Variants in FLT1 observed in about 807,000 individuals in gnomAD.
FLT1 encodes the protein fms related receptor tyrosine kinase 1, also known as vascular endothelial growth factor receptor 1.
FLT1 carries 49 observed loss-of-function variants against 156.3 expected under a neutral mutation model. The ratio of observed to expected loss-of-function variants is 0.31; its 90% CI spans 0.25 to 0.40. The LOEUF is 0.40. Ranked by LOEUF, FLT1 falls within the 10% of genes least tolerant of loss-of-function variation. FLT1 has a pLI of 1.00. For synonymous variants in FLT1, 594 were observed against 583.8 expected (o/e 1.02, Z -0.25); for missense variants, 1,322 against 1,637.2 (o/e 0.81, Z 3.32).
At position 28,323,633 on chromosome 13, in the gene FLT1, G is replaced by A. The variant is rs536278801; in HGVS notation, c.2797-687C>T. 1.2e-3 allele frequency among the ~76,000 whole-genome samples: 165 copies of A among 136,080 alleles called. 1 individual carries two copies. The highest frequency in any genetic ancestry group is 4.2e-3 in the African/African-American group (155 of 37,060). 89.3% of individuals were successfully genotyped at this position (136,080 alleles called of 152,430 possible). A position where few individuals can be genotyped will look rare whatever the true frequency, so the allele number is the denominator to read the frequency against. ...GCCATTGCACTCTAGCCTGGCCAAC[G>A]AGAGCAAAACTCCATCTCAAAAAAA... is the stretch of plus-strand genomic sequence containing the variant. On this transcript the variant is annotated intron_variant, in intron 20 of 29. Coordinates refer to ENST00000282397, the MANE Select transcript of FLT1 (RefSeq NM_002019.4).
chr13:28,426,218 G>GAT (rs1017698929), intron 10 of FLT1, among the ~76,000 whole-genome samples: 3 of 147,188 alleles, frequency 2.0e-5, no homozygotes, highest in African/African-American at 7.6e-5. Context: ...TTGGCATAAT[G>GAT]ATAATCCTTG....
chr13:28,460,649 G>T (rs1879515395), intron 3 of FLT1, among the ~76,000 whole-genome samples: 1 of 147,442 alleles, frequency 6.8e-6, no homozygotes, highest in African/African-American at 2.5e-5. Context: ...GTACTGGTGT[G>T]CCCCTCCCCC....
chr13:28,336,548 C>T (rs982327871), intron 17 of FLT1, among the ~76,000 whole-genome samples: 14 of 152,300 alleles, frequency 9.2e-5, no homozygotes, highest in African/African-American at 3.4e-4. Flanking sequence ...GGGCCCTGGA[C>T]ACGCTGGGGA....
At chr13:28,436,645 A>AT (rs1281839408) in intron 4 of FLT1, among the ~76,000 whole-genome samples, 2 of 152,210 alleles carry the variant, frequency 1.3e-5, no homozygotes, top group African/African-American at 4.8e-5. Flanking sequence ...CATATTAATC[A>AT]TACAGCAATA....
At chr13:28,331,933 A>T (rs995974871) in intron 18 of FLT1, among the ~76,000 whole-genome samples, 4 of 140,218 alleles carry the variant, frequency 2.9e-5, no homozygotes, top group African/African-American at 9.8e-5. Context: ...TGAGCCTTTT[A>T]AAAAAATCTC....
chr13:28,449,110 A>G (rs1049256022), intron 3 of FLT1, among the ~76,000 whole-genome samples: 2 of 152,150 alleles, frequency 1.3e-5, no homozygotes, highest in African/African-American at 4.8e-5. Flanking sequence ...GTGAGACCCC[A>G]TGTCTACAAA....
intron 3 of FLT1, among the ~76,000 whole-genome samples, chr13:28,445,665 A>C (rs1472433578): frequency 6.6e-6 from 1 of 151,750 alleles, no homozygotes. Context: ...GAATTGTAAC[A>C]ACAACAACAA....
chr13:28,396,446 T>C (rs1875048654), intron 12 of FLT1, among the ~76,000 whole-genome samples: 1 of 152,172 alleles, frequency 6.6e-6, no homozygotes, highest in Non-Finnish European at 1.5e-5. Context: ...GGCTAAAAAT[T>C]CTTAAATGCT....
Position 28,339,483 on chromosome 13 carries a change from G to A in FLT1, c.2356-183C>T, listed in dbSNP as rs61764361. Among the ~76,000 whole-genome samples the A allele has an allele frequency of 9.9e-3, 1,514 of 152,212 alleles. 22 individuals carry two copies. Among genetic ancestry groups the A allele is most frequent in the African/African-American group, 0.034 (1,424 of 41,512 alleles). On this transcript the variant is annotated intron_variant, in intron 16 of 29. Coordinates refer to ENST00000282397, the MANE Select transcript of FLT1 (RefSeq NM_002019.4). ...CTTAGGTGTGCAATTTCTATTAAAC[G>A]ACTCCTTACTATTCCCACACTACAT...
At chr13:28,318,500 C>G (rs148093609) in intron 24 of FLT1, among the ~76,000 whole-genome samples, 1 of 152,296 alleles carries the variant, frequency 6.6e-6, no homozygotes, top group Non-Finnish European at 1.5e-5. Flanking sequence ...CCTCATCTAC[C>G]TCAGCATTTG....
Position 28,467,553 on chromosome 13 carries a change from C to T in FLT1, c.129G>A (p.Met43Ile), listed in dbSNP as rs192104849. The change falls in exon 2 of 30, where the codon ATG becomes ATA. Residue 43 changes from methionine to isoleucine, a missense_variant. Around this residue, in one of 3 missense-constraint regions of FLT1, gnomAD observed 991 missense variants for 1,254.8 expected, o/e 0.79. Transcript: ENST00000282397. ...GGAGATGCAGTGTCTGGCCTGCTTG[C>T]ATGATGTGCTGGGTGCCTTTTAAAC... ...ELSLKGTQHI[M>I]QAGQTLHLQC... 50 of 1,611,132 alleles carry T rather than the reference C, an allele frequency of 3.1e-5. No individual in the cohort carries two copies. In the East Asian group the frequency reaches 9.8e-4, roughly 32 times the overall value.
chr13:28,386,456 T>A (rs3751397), intron 13 of FLT1: 534,758 of 1,041,944 alleles, frequency 0.51, 140,888 homozygotes, highest in East Asian at 0.55. Context: ...AAAAATGAAA[T>A]CTGAAGGCAA....
intron 16 of FLT1, among the ~76,000 whole-genome samples, chr13:28,344,697 C>T (rs1872492593): frequency 6.8e-6 from 1 of 147,944 alleles, no homozygotes; most frequent in African/African-American, 2.5e-5. Flanking sequence ...CTCTAAAGAA[C>T]TTAATTTTGT....
At chr13:28,444,167 C>T (rs191651880) in intron 3 of FLT1, among the ~76,000 whole-genome samples, 69 of 152,244 alleles carry the variant, frequency 4.5e-4, no homozygotes, top group African/African-American at 1.5e-3. Context: ...GTGGGCTAGG[C>T]ATAGTGGCTC....
At chr13:28,397,648 A>T (rs1248676469) in intron 11 of FLT1, among the ~76,000 whole-genome samples, 1 of 151,812 alleles carries the variant, frequency 6.6e-6, no homozygotes, top group Non-Finnish European at 1.5e-5. Context: ...TTGTCTCCCA[A>T]GTAGCTGGGA....
chr13:28,305,564 C>T lies in FLT1; in HGVS notation c.3815+1114G>A, dbSNP rs564490437. Among the ~76,000 whole-genome samples, 7 of 152,286 alleles carry T rather than the reference C, an allele frequency of 4.6e-5. No homozygotes were observed. The South Asian group carries it at 6.2e-4, about 14-fold the overall frequency. ...TGACTGATGATGTTGAGCATCTTTT[C>T]GTGTACTCACTGGCCATGCCCACCT... On this transcript the variant is annotated intron_variant, in intron 29 of 29. Coordinates refer to ENST00000282397, the MANE Select transcript of FLT1 (RefSeq NM_002019.4).
In FLT1 at chr13:28,473,811, AAAGAAAGAAAGAAAGAAAGAAAGAAAGG is replaced by A. The variant is rs1330432702; in HGVS notation, c.65-6222_65-6195del. On this transcript the variant is annotated intron_variant, in intron 1 of 29. Transcript: ENST00000282397. ...GAAAGAAAGAAAGAAAGAAAGAAAG[AAAGAAAGAAAGAAAGAAAGAAAGAAAGG>A]AAGAAAGAAAGAAAGAAAGAAAGAA... Among the ~76,000 whole-genome samples the A allele has an allele frequency of 9.4e-3, 1,240 of 132,188 alleles. 61 individuals carry two copies. The highest frequency in any genetic ancestry group is 0.031 in the African/African-American group (1,011 of 32,434). The allele number at this position is 132,188 out of a possible 152,430, so 86.7% of individuals were successfully genotyped here.
rs57419092 is a variant in FLT1, at chr13:28,300,521, C to CCA, written c.*2644_*2645dup. 311 of 225,610 alleles carry CCA rather than the reference C, an allele frequency of 1.4e-3. 1 individual carries two copies. Among genetic ancestry groups the CCA allele is most frequent in the African/African-American group, 6.6e-3 (281 of 42,852 alleles). 14.0% of individuals were successfully genotyped at this position (225,610 alleles called of 1,614,324 possible). On this transcript the variant is annotated 3_prime_UTR_variant, in exon 30 of 30. Coordinates refer to ENST00000282397, the MANE Select transcript of FLT1 (RefSeq NM_002019.4). ...AGTTATGCACAAAACACACATACAC[C>CCA]CACACACACACACACACACACACAC... is the stretch of plus-strand genomic sequence containing the variant.
At chr13:28,436,340 A>G (rs71433267) in intron 4 of FLT1, among the ~76,000 whole-genome samples, 1 of 152,230 alleles carries the variant, frequency 6.6e-6, no homozygotes, top group Admixed American at 6.5e-5. Context: ...AAGAAAAGGG[A>G]CAATAAGAGA....
Sources: gnomAD v4.1 joint callset for allele counts (sites outside exome capture counted in the v4.1 genomes callset) on GRCh38, gnomAD v4.1.1 for gene constraint, gnomAD v4.1.1 regional missense constraint, MANE v1.5 for transcripts, NCBI Gene and HGNC (gene_info 2026-07-23, HGNC 2026-07-21) for gene names.